The following SLC2A13 variants were observed in gnomAD, a reference collection of about 807,000 sequenced individuals.
The protein encoded by SLC2A13 is solute carrier family 2 member 13.
SLC2A13 carries 32 observed loss-of-function variants against 64.4 expected under a neutral mutation model. The observed-to-expected ratio is 0.50, with a 90% CI of 0.37 to 0.67. SLC2A13 has a LOEUF of 0.67. Ranked by LOEUF, SLC2A13 falls within the 30% of genes least tolerant of loss-of-function variation. The pLI, the probability that SLC2A13 is intolerant of heterozygous loss-of-function variation, is 0.00. For missense variants in SLC2A13, 743 were observed against 829.2 expected (o/e 0.90, Z 1.28); for synonymous variants, 338 against 327.1 (o/e 1.03, Z -0.36).
At chr12:39,904,900 C>T (rs1945225588) in intron 4 of SLC2A13, among the ~76,000 whole-genome samples, 1 of 152,110 alleles carries the variant, frequency 6.6e-6, no homozygotes, top group African/African-American at 2.4e-5. Flanking sequence ...TGTGTAGCTG[C>T]TCCCTTGAAC....
chr12:40,103,911 T>G (rs1253895252), intron 1 of SLC2A13, among the ~76,000 whole-genome samples: 8 of 152,216 alleles, frequency 5.3e-5, no homozygotes, highest in Non-Finnish European at 8.8e-5. Context: ...TACGGAGAGC[T>G]TTGCCCTACC....
intron 1 of SLC2A13, among the ~76,000 whole-genome samples, chr12:40,061,914 G>A (rs570209219): frequency 9.9e-5 from 15 of 151,624 alleles, no homozygotes; most frequent in African/African-American, 1.9e-4. Flanking sequence ...TCCCCATATC[G>A]AGATTTATTA....
chr12:39,868,094 A>G (rs1287259507), intron 5 of SLC2A13, among the ~76,000 whole-genome samples: 8 of 152,202 alleles, frequency 5.3e-5, no homozygotes, highest in Admixed American at 5.2e-4. Context: ...GTTAGTATTT[A>G]AAATCAATCT....
At chr12:39,959,288 T>C (rs1946369439) in intron 3 of SLC2A13, among the ~76,000 whole-genome samples, 1 of 152,358 alleles carries the variant, frequency 6.6e-6, no homozygotes, top group Middle Eastern at 3.4e-3. Flanking sequence ...TATTGATGAA[T>C]TCAACCCCAT....
intron 6 of SLC2A13, among the ~76,000 whole-genome samples, chr12:39,855,463 T>C (rs1943581746): frequency 6.6e-6 from 1 of 152,224 alleles, no homozygotes; most frequent in Admixed American, 6.5e-5. Flanking sequence ...GGGAAATGAA[T>C]TATGCCAGGT....
Position 39,962,146 on chromosome 12 carries a change from C to T in SLC2A13, c.926-10781G>A, listed in dbSNP as rs1265530933. ...CCTATGGATTACCCAGGCTGGAGTG[C>T]AGTGGCATGATTTCAGCTCACTATG... On this transcript the variant is annotated intron_variant, in intron 3 of 9. Transcript: ENST00000280871. Among the ~76,000 whole-genome samples, 3 of 152,318 alleles carry T rather than the reference C, an allele frequency of 2.0e-5. No homozygotes were observed. The East Asian group carries it at 5.8e-4, about 29-fold the overall frequency.
chr12:39,861,132 TACTCC>T (rs1943748490), intron 6 of SLC2A13, among the ~76,000 whole-genome samples: 1 of 152,222 alleles, frequency 6.6e-6, no homozygotes, highest in South Asian at 2.1e-4. Flanking sequence ...CTGTGTGACA[TACTCC>T]ACTCTTCTTT....
chr12:39,774,662 T>G (rs1409950742), intron 7 of SLC2A13, among the ~76,000 whole-genome samples: 1 of 152,032 alleles, frequency 6.6e-6, no homozygotes, highest in African/African-American at 2.4e-5. Context: ...CCTATTCTTT[T>G]GTTAATTACT....
intron 6 of SLC2A13, among the ~76,000 whole-genome samples, chr12:39,842,701 G>A (rs1167878720): frequency 2.0e-5 from 3 of 151,958 alleles, no homozygotes; most frequent in Admixed American, 6.6e-5. Flanking sequence ...ATAATTCAGA[G>A]TTCTACAAGC....
rs766587473 is a variant in SLC2A13 at position 39,764,626 on chromosome 12, C to T, written c.1568-14G>A. On this transcript the variant is annotated splice_polypyrimidine_tract_variant and intron_variant, in intron 8 of 9. Coordinates refer to ENST00000280871, the MANE Select transcript of SLC2A13 (RefSeq NM_052885.4). ...TTGGTCCCATTCCTGAGAAATAAAA[C>T]ATTAAAAACTTTAGTAAAATAGCAT... 13 of 1,580,398 alleles carry T rather than the reference C, an allele frequency of 8.2e-6. No individual in the cohort carries two copies. Among genetic ancestry groups the T allele is most frequent in the African/African-American group, 2.8e-5 (2 of 72,674 alleles).
At chr12:39,789,619 T>C (rs1174209997) in intron 7 of SLC2A13, among the ~76,000 whole-genome samples, 1 of 152,192 alleles carries the variant, frequency 6.6e-6, no homozygotes, top group Non-Finnish European at 1.5e-5. Flanking sequence ...ATTTTATAGA[T>C]AATACAAACT....
chr12:39,760,185 C>T lies in SLC2A13; in HGVS notation c.1788G>A (p.Glu596=). 1 of 1,612,786 alleles carries T rather than the reference C, an allele frequency of 6.2e-7. No homozygotes were observed. Among genetic ancestry groups the T allele is most frequent in the Non-Finnish European group, 8.5e-7 (1 of 1,179,304 alleles). ...GLLFIYGCLP[E]TKGKKLEEIE... ...TTTCCTCTAATTTTTTGCCTTTGGT[C>T]TCAGGAAGACAGCCATAGATGAAAA... is the stretch of plus-strand genomic sequence containing the variant. The change falls in exon 10 of 10, where the codon GAG becomes GAA. Residue 596 remains glutamate, a synonymous_variant. Transcript: ENST00000280871.
At chr12:40,032,839 T>C (rs769372871) in intron 2 of SLC2A13, among the ~76,000 whole-genome samples, 2 of 152,236 alleles carry the variant, frequency 1.3e-5, no homozygotes, top group Admixed American at 6.5e-5. Context: ...TTCACGATCA[T>C]TGACCTCCTC....
chr12:40,091,936 A>G (rs191797580), intron 1 of SLC2A13, among the ~76,000 whole-genome samples: 64 of 152,338 alleles, frequency 4.2e-4, no homozygotes, highest in African/African-American at 1.5e-3. Context: ...TTATCAATTA[A>G]TCCATACAAT....
intron 4 of SLC2A13, among the ~76,000 whole-genome samples, chr12:39,923,998 A>G (rs1292936470): frequency 6.6e-6 from 1 of 152,140 alleles, no homozygotes; most frequent in Admixed American, 6.6e-5. Flanking sequence ...GAAGGCTTTT[A>G]TACTTAAAAC....
intron 1 of SLC2A13, chr12:40,068,322 C>A: frequency 2.4e-6 from 1 of 413,910 alleles, no homozygotes; most frequent in South Asian, 1.8e-5. Context: ...TGTGCACAGT[C>A]TGTAGTATTT....
chr12:39,853,469 A>G (rs1007177193), intron 6 of SLC2A13, among the ~76,000 whole-genome samples: 18 of 152,126 alleles, frequency 1.2e-4, no homozygotes, highest in African/African-American at 4.1e-4. Context: ...AATTGTGACA[A>G]GGTCTTAAAG....
intron 7 of SLC2A13, among the ~76,000 whole-genome samples, chr12:39,818,325 C>A (rs61931234): frequency 1.1e-4 from 2 of 17,818 alleles, no homozygotes; most frequent in African/African-American, 1.1e-3. Context: ...AAATACTGAT[C>A]GGTACCTTCT....
chr12:39,850,749 T>C (rs184854741), intron 6 of SLC2A13, among the ~76,000 whole-genome samples: 71 of 152,336 alleles, frequency 4.7e-4, no homozygotes, highest in East Asian at 3.5e-3. Context: ...AGATTTGTTG[T>C]TTTAGGAAGT....
Sources: allele counts gnomAD v4.1 joint callset (sites outside exome capture counted in the v4.1 genomes callset), GRCh38; gene constraint gnomAD v4.1.1; transcripts MANE v1.5; gene names NCBI Gene and HGNC (gene_info 2026-07-23, HGNC 2026-07-21).